The following WNK1 variants were observed in gnomAD, a reference collection of about 807,000 sequenced individuals.
The protein encoded by WNK1 is serine/threonine-protein kinase WNK1.
In WNK1, 38 loss-of-function variants were observed where a neutral mutation model predicts 222.8. The observed-to-expected ratio is 0.17, with a 90% CI of 0.13 to 0.22. WNK1 has a LOEUF of 0.22. Ranked by LOEUF, WNK1 falls within the 10% of genes least tolerant of loss-of-function variation. The probability of loss-of-function intolerance (pLI) is 1.00; values close to 1 mark genes in which losing one functional copy is unlikely to be tolerated. For missense variants in WNK1, 2,348 were observed against 2,918.4 expected (o/e 0.80, Z 4.50); for synonymous variants, 1,090 against 1,092.9 (o/e 1.00, Z 0.05).
intron 1 of WNK1, among the ~76,000 whole-genome samples, chr12:756,806 A>G (rs1346637023): frequency 6.6e-6 from 1 of 152,232 alleles, no homozygotes; most frequent in Non-Finnish European, 1.5e-5. Flanking sequence ...CGCTAAATCT[A>G]TCCTTTTAAT....
At chr12:886,203 A>G in intron 19 of WNK1, 119 bp downstream of exon 19, 2 of 906,728 alleles carry the variant, frequency 2.2e-6, no homozygotes, top group Non-Finnish European at 3.2e-6. Context: ...TACCTGGCTT[A>G]TAGTATTTAT....
chr12:757,570 T>C (rs1206568643), intron 1 of WNK1, among the ~76,000 whole-genome samples: 1 of 152,136 alleles, frequency 6.6e-6, no homozygotes, highest in African/African-American at 2.4e-5. Flanking sequence ...TACCGAGATG[T>C]TTAAGATGCA....
At chr12:882,109 A>G (rs771050057) in intron 14 of WNK1, 36 bp downstream of exon 14, 1 of 1,572,708 alleles carries the variant, frequency 6.4e-7, no homozygotes, top group Non-Finnish European at 8.6e-7. Flanking sequence ...CATGTTGTTA[A>G]AGGAATTTGA....
chr12:850,284 A>G (rs1341560428), intron 4 of WNK1, among the ~76,000 whole-genome samples: 3 of 151,942 alleles, frequency 2.0e-5, no homozygotes, highest in South Asian at 2.1e-4. Context: ...ATGGTATCTC[A>G]TTGTGGTTTT....
chr12:789,406 A>G (rs1272983593), intron 1 of WNK1, among the ~76,000 whole-genome samples: 3 of 152,128 alleles, frequency 2.0e-5, no homozygotes, highest in African/African-American at 7.2e-5. Context: ...GTATGGTAGT[A>G]TACTAATAAA....
At position 828,903 on chromosome 12, in the gene WNK1, G is replaced by A. The variant is rs559452528; in HGVS notation, c.1154-1100G>A. Among the ~76,000 whole-genome samples, 4 of 152,270 alleles carry A rather than the reference G, an allele frequency of 2.6e-5. No individual in the cohort carries two copies. In the South Asian group the frequency reaches 8.3e-4, roughly 32 times the overall value. On this transcript the variant is annotated intron_variant, in intron 3 of 27. Transcript: ENST00000315939. ...ACTGAGTATTACTAGGAAAAACACAGAACACCAGTTATTTGTACATCTTTC... is the reference window on the plus strand; with the variant it reads ...ACTGAGTATTACTAGGAAAAACACAAAACACCAGTTATTTGTACATCTTTC...
chr12:786,447 T>C (rs1944311691), intron 1 of WNK1, among the ~76,000 whole-genome samples: 1 of 151,684 alleles, frequency 6.6e-6, no homozygotes, highest in African/African-American at 2.4e-5. Flanking sequence ...TCACATTTGT[T>C]TTATTTGTTC....
intron 26 of WNK1, among the ~76,000 whole-genome samples, chr12:903,361 A>G (rs1955432770): frequency 6.6e-6 from 1 of 152,078 alleles, no homozygotes; most frequent in East Asian, 1.9e-4. Context: ...TTTTCTGGTC[A>G]GACTTTCCTG....
At chr12:883,226 G>C (rs570937438) in intron 15 of WNK1, among the ~76,000 whole-genome samples, 167 bp downstream of exon 15, 2 of 152,286 alleles carry the variant, frequency 1.3e-5, no homozygotes, top group South Asian at 4.2e-4. Flanking sequence ...TGATGTTTTT[G>C]TCTAGGCTAT....
At chr12:865,609 A>C (rs1255935131) in intron 8 of WNK1, among the ~76,000 whole-genome samples, 1 of 152,168 alleles carries the variant, frequency 6.6e-6, no homozygotes, top group Non-Finnish European at 1.5e-5. Context: ...GTGTCCAATA[A>C]AATTTACCTT....
intron 8 of WNK1, chr12:868,345 A>AGT (rs1565548713): frequency 6.2e-7 from 1 of 1,613,878 alleles, no homozygotes. Context: ...ACAACTCATC[A>AGT]GTACTGTCAA....
At chr12:787,097 G>A (rs888422516) in intron 1 of WNK1, among the ~76,000 whole-genome samples, 1 of 152,048 alleles carries the variant, frequency 6.6e-6, no homozygotes, top group African/African-American at 2.4e-5. Flanking sequence ...ATGAAATTAT[G>A]TATTTTTCAT....
Position 753,964 on chromosome 12 carries a change from A to G in WNK1, c.399A>G (p.Val133=). The change falls in exon 1 of 28, where the codon GTA becomes GTG. Residue 133 remains valine, a synonymous_variant. Transcript: ENST00000315939. This position sits in a 1 kb window ranked among gnomAD's most constrained non-coding sequence, Gnocchi z 5.2. ...TGACCGCCACCGCCACTTCCCAGGT[A>G]GCCCAGCAGCCTCCAGCCGCTGCCG... ...ETVTATATSQ[V]AQQPPAAAAP... 1.9e-6 allele frequency: 3 copies of G among 1,600,174 alleles called. No homozygotes were observed. The highest frequency in any genetic ancestry group is 2.6e-6 in the Non-Finnish European group (3 of 1,174,368).
At chr12:847,469 T>A (rs1344071953) in intron 4 of WNK1, among the ~76,000 whole-genome samples, 2 of 152,192 alleles carry the variant, frequency 1.3e-5, no homozygotes, top group African/African-American at 4.8e-5. Flanking sequence ...GGTAGAAGTG[T>A]TCACTAAAGT....
intron 1 of WNK1, among the ~76,000 whole-genome samples, chr12:760,805 G>A (rs1419739659): frequency 6.9e-6 from 1 of 145,756 alleles, no homozygotes; most frequent in African/African-American, 2.5e-5. Flanking sequence ...TTGCTCTGTC[G>A]CCCAGGCTGG....
chr12:793,324 G>A (rs570911318), intron 1 of WNK1, among the ~76,000 whole-genome samples: 1 of 152,244 alleles, frequency 6.6e-6, no homozygotes, highest in East Asian at 1.9e-4. Context: ...CTGAAGTTGG[G>A]TGACTAGAAA....
intron 1 of WNK1, among the ~76,000 whole-genome samples, chr12:775,500 A>G (rs1942985354): frequency 6.6e-6 from 1 of 152,176 alleles, no homozygotes; most frequent in East Asian, 1.9e-4. Flanking sequence ...ACTTAAGGCC[A>G]AGAATTTGAG....
chr12:904,850 G>T (rs1230671884), intron 26 of WNK1, among the ~76,000 whole-genome samples: 1 of 152,196 alleles, frequency 6.6e-6, no homozygotes, highest in South Asian at 2.1e-4. Flanking sequence ...GCATACAAAA[G>T]TCCATGCCCT....
chr12:826,015 T>G (rs1195195270), intron 2 of WNK1, among the ~76,000 whole-genome samples: 1 of 152,226 alleles, frequency 6.6e-6, no homozygotes, highest in African/African-American at 2.4e-5. Flanking sequence ...GAATCTTTCC[T>G]ACATTCATGT....
Sources: allele counts gnomAD v4.1 joint callset (sites outside exome capture counted in the v4.1 genomes callset), GRCh38; gene constraint gnomAD v4.1.1; non-coding constraint Gnocchi (gnomAD v3.1); transcripts MANE v1.5; gene names NCBI Gene and HGNC (gene_info 2026-07-23, HGNC 2026-07-21).